ZNF318: variants seen among roughly 807,000 people sequenced by gnomAD.
ZNF318 encodes the protein endocrine regulator.
In ZNF318, 51 loss-of-function variants were observed where a neutral mutation model predicts 124.2. The ratio of observed to expected loss-of-function variants is 0.41; its 90% CI spans 0.33 to 0.52. The LOEUF is 0.52. Ranked by LOEUF, ZNF318 falls within the 20% of genes least tolerant of loss-of-function variation. ZNF318 has a pLI of 0.23. For missense variants in ZNF318, 2,815 were observed against 2,811.2 expected, an observed-to-expected ratio of 1.00 and a Z score of -0.03; for synonymous variants, 1,090 against 1,040.7, an observed-to-expected ratio of 1.05 and a Z score of -0.91.
chr6:43,342,312 C>A, intron 7 of ZNF318, 101 bp from the exon 8 acceptor site: 4 of 838,564 alleles, frequency 4.8e-6, no homozygotes, highest in Non-Finnish European at 5.4e-6. Flanking sequence ...GGACCAGAAG[C>A]CCCCAGCTAC....
chr6:43,345,324 T>C (rs991871729), intron 6 of ZNF318, among the ~76,000 whole-genome samples: 5 of 150,068 alleles, frequency 3.3e-5, no homozygotes, highest in African/African-American at 1.2e-4. Context: ...TTTTCTGAAA[T>C]GAACAGAAAG....
At position 43,340,272 on chromosome 6, in the gene ZNF318, G is replaced by A; in HGVS notation, c.3726C>T (p.Asn1242=). Residue 1242 remains asparagine, a synonymous_variant, in exon 10 of 10, where the codon AAC becomes AAT. Coordinates refer to ENST00000361428, the MANE Select transcript of ZNF318 (RefSeq NM_014345.3). ...TTTTATTTTCAGCTTTTTCAGGGGA[G>A]TTCCTACCCTCAGAGAGTTGGTCTT... ...KLEDQLSEGR[N]SPEKAENKRN... 1 of 1,613,970 alleles carries A rather than the reference G, an allele frequency of 6.2e-7. No individual in the cohort carries two copies. Among genetic ancestry groups the A allele is most frequent in the Non-Finnish European group, 8.5e-7 (1 of 1,179,992 alleles).
chr6:43,352,530 A>G (rs1779544028), intron 4 of ZNF318, 54 bp from the exon 5 acceptor site: 2 of 1,510,164 alleles, frequency 1.3e-6, no homozygotes, highest in Non-Finnish European at 1.8e-6. Context: ...TCTCTTTTCT[A>G]TTTCTCTCTT....
At position 43,355,332 on chromosome 6, in the gene ZNF318, G is replaced by A. The variant is rs141536231; in HGVS notation, c.2002C>T (p.Arg668Ter). Residue 668 changes from arginine to a stop codon, truncating the protein, a stop_gained, in exon 4 of 10, where the codon CGA (arginine) becomes TGA (stop). Coordinates refer to ENST00000361428, the MANE Select transcript of ZNF318 (RefSeq NM_014345.3). LOFTEE classifies it high-confidence loss of function. ...SSVDHCFSAD[R>*]RSSDPHRLES... is the part of the protein sequence containing the mutation. ...AGTCTGTGGGGATCTGAGGAACGTC[G>A]ATCAGCTGAGAAGCAGTGGTCAACT... The A allele has an allele frequency of 2.5e-6, 4 of 1,614,170 alleles. No individual in the cohort carries two copies. The highest frequency in any genetic ancestry group is 1.1e-5 in the South Asian group (1 of 91,072).
intron 2 of ZNF318, among the ~76,000 whole-genome samples, chr6:43,360,137 T>C (rs745611546): frequency 2.0e-5 from 3 of 152,118 alleles, no homozygotes; most frequent in African/African-American, 4.8e-5. Context: ...AACTATTACA[T>C]GTCACCATGA....
chr6:43,342,144 T>G lies in ZNF318; in HGVS notation c.3344A>C (p.Lys1115Thr). 6.2e-7 allele frequency: 1 copy of G among 1,614,148 alleles called. No individual in the cohort carries two copies. The highest frequency in any genetic ancestry group is 8.5e-7 in the Non-Finnish European group (1 of 1,179,978). ...AGGAACAGTTATCTTGTCAGTGCGC[T>G]TTATGGCATCTTGCTTGGCCTCACT... ...TQSEAKQDAI[K>T]RTDKITVPAK... Residue 1115 changes from lysine (K) to threonine (T), a missense_variant, in exon 8 of 10, where the codon AAG becomes ACG. Lys to Thr is a moderately conservative substitution (Grantham distance 78). Around this residue, in one of 4 missense-constraint regions of ZNF318, gnomAD observed 500 missense variants for 605.2 expected, o/e 0.83. Transcript: ENST00000361428.
At chr6:43,363,088 C>T (rs1013123774) in intron 2 of ZNF318, among the ~76,000 whole-genome samples, 2 of 152,042 alleles carry the variant, frequency 1.3e-5, no homozygotes, top group Non-Finnish European at 2.9e-5. Flanking sequence ...GACTGCTGCC[C>T]CAAACTCCTT....
Position 43,339,886 on chromosome 6 carries a change from G to A in ZNF318, c.4112C>T (p.Ala1371Val). ...KSCSATMSKP[A>V]PLNTFLSIKS... ...AATAGACAGAAAGGTGTTAAGAGGAGCTGGCTTGCTCATTGTGGCTGAACA... is the reference window on the plus strand; with the variant it reads ...AATAGACAGAAAGGTGTTAAGAGGAACTGGCTTGCTCATTGTGGCTGAACA... Residue 1371 changes from alanine (A) to valine (V), a missense_variant, in exon 10 of 10, where the codon GCT becomes GTT. Ala to Val is a moderately conservative substitution (Grantham distance 64, BLOSUM62 0). Transcript: ENST00000361428. This position sits in a 1 kb window ranked among gnomAD's most constrained non-coding sequence, Gnocchi z 4.2. 1.2e-6 allele frequency: 2 copies of A among 1,614,210 alleles called. No individual in the cohort carries two copies. Among genetic ancestry groups the A allele is most frequent in the South Asian group, 2.2e-5 (2 of 91,092 alleles).
Position 43,339,785 on chromosome 6 carries a change from T to C in ZNF318, c.4213A>G (p.Ile1405Val). Reference protein sequence around the residue: ...SSADLLLPPDIISKAFGGEEV... With the variant: ...SSADLLLPPDVISKAFGGEEV... ...TCCCCTCCAAATGCTTTGGAGATGA[T>C]GTCTGGAGGTAAGAGGAGATCAGCT... The change falls in exon 10 of 10, where the codon ATC becomes GTC. Residue 1405 changes from isoleucine to valine, a missense_variant. By Grantham distance (29) the Ile-to-Val change is conservative (BLOSUM62 3). Around this residue, in one of 4 missense-constraint regions of ZNF318, gnomAD observed 500 missense variants for 605.2 expected, o/e 0.83. Coordinates refer to ENST00000361428, the MANE Select transcript of ZNF318 (RefSeq NM_014345.3). This position sits in a 1 kb window ranked among gnomAD's most constrained non-coding sequence, Gnocchi z 4.2. The C allele has an allele frequency of 6.2e-7, 1 of 1,614,164 alleles. No individual in the cohort carries two copies. Among genetic ancestry groups the C allele is most frequent in the East Asian group, 2.2e-5 (1 of 44,878 alleles).
Position 43,340,063 on chromosome 6 carries a change from G to A in ZNF318, c.3935C>T (p.Thr1312Ile), listed in dbSNP as rs139484106. 8 of 1,614,050 alleles carry A rather than the reference G, an allele frequency of 5.0e-6. No homozygotes were observed. Among genetic ancestry groups the A allele is most frequent in the African/African-American group, 1.3e-5 (1 of 74,932 alleles). Residue 1312 changes from threonine to isoleucine, a missense_variant, in exon 10 of 10, where the codon ACT (threonine) becomes ATT (isoleucine). Thr to Ile is a moderately conservative substitution (Grantham distance 89). Around this residue, in one of 4 missense-constraint regions of ZNF318, gnomAD observed 500 missense variants for 605.2 expected, o/e 0.83. Coordinates refer to ENST00000361428, the MANE Select transcript of ZNF318 (RefSeq NM_014345.3). ...ESSKDKEDGK[T>I]EAGKAKPIKI... is the part of the protein sequence containing the mutation. ...GATAGGCTTTGCCTTCCCAGCTTCA[G>A]TTTTGCCATCCTCTTTGTCCTTACT...
intron 2 of ZNF318, chr6:43,363,700 T>C (rs1213915938): frequency 3.6e-6 from 2 of 552,082 alleles, no homozygotes; most frequent in African/African-American, 1.9e-5. Context: ...GATCACTGAC[T>C]TTTTCCTGGG....
intron 2 of ZNF318, among the ~76,000 whole-genome samples, chr6:43,358,106 C>T (rs1779636102): frequency 6.6e-6 from 1 of 152,212 alleles, no homozygotes; most frequent in Non-Finnish European, 1.5e-5. Context: ...ACAGCATTAG[C>T]ATTACCTGGG....
Position 43,357,673 on chromosome 6 carries a change from C to T in ZNF318, c.641G>A (p.Ser214Asn). The stretch of plus-strand genomic sequence containing the variant: ...CTCATCAAGTTGTCCCAAGAAGGGA[C>T]TGAGAGGCCCTTCCTCCTGGGAAAT... ...RYISQEEGPL[S>N]PFLGQLDEDY... The change falls in exon 3 of 10, where the codon AGT becomes AAT. Residue 214 changes from serine to asparagine, a missense_variant. Ser to Asn is a conservative substitution (Grantham distance 46). Transcript: ENST00000361428. The T allele has an allele frequency of 6.2e-7, 1 of 1,613,650 alleles. No individual in the cohort carries two copies. Among genetic ancestry groups the T allele is most frequent in the Non-Finnish European group, 8.5e-7 (1 of 1,180,024 alleles).
At chr6:43,353,105 C>T (rs1025194974) in intron 4 of ZNF318, among the ~76,000 whole-genome samples, 1 of 151,966 alleles carries the variant, frequency 6.6e-6, no homozygotes, top group Non-Finnish European at 1.5e-5. Flanking sequence ...CTATAATAGA[C>T]CTATGTATTA....
At chr6:43,341,927 G>A (rs1779377659) in intron 8 of ZNF318, among the ~76,000 whole-genome samples, 185 bp downstream of exon 8, 1 of 152,126 alleles carries the variant, frequency 6.6e-6, no homozygotes, top group Non-Finnish European at 1.5e-5. Flanking sequence ...AGAGATCATG[G>A]TCTTATAGAT....
chr6:43,368,764 G>A (rs1052941406), intron 1 of ZNF318: 14 of 985,358 alleles, frequency 1.4e-5, no homozygotes, highest in Non-Finnish European at 1.2e-5. Flanking sequence ...CTCCCGACGA[G>A]ACGCCCGTGC....
intron 6 of ZNF318, among the ~76,000 whole-genome samples, chr6:43,346,443 T>G (rs750020220): frequency 2.0e-5 from 3 of 147,608 alleles, no homozygotes; most frequent in African/African-American, 5.1e-5. Context: ...ATTGCGCCAC[T>G]GCACTCCAGT....
rs118046524 is a variant in ZNF318, at chr6:43,351,242, C to T, written c.2770+1135G>A. On this transcript the variant is annotated intron_variant, in intron 5 of 9. Transcript: ENST00000361428. ...CTCAGATTAAAGAAGAGTACAGGAACGTGAAAACTGAATGTGATAAATAAT... is the reference window on the plus strand; with the variant it reads ...CTCAGATTAAAGAAGAGTACAGGAATGTGAAAACTGAATGTGATAAATAAT... Among the ~76,000 whole-genome samples, 787 of 152,202 alleles carry T rather than the reference C, an allele frequency of 5.2e-3. 36 individuals carry two copies. The East Asian group carries it at 0.11, about 21-fold the overall frequency.
chr6:43,360,723 A>G (rs1779670145), intron 2 of ZNF318, among the ~76,000 whole-genome samples: 1 of 152,242 alleles, frequency 6.6e-6, no homozygotes, highest in Admixed American at 6.5e-5. Flanking sequence ...GAATGGATAA[A>G]CAAAACATGG....
Sources: gnomAD v4.1 joint callset for allele counts (sites outside exome capture counted in the v4.1 genomes callset) on GRCh38, gnomAD v4.1.1 for gene constraint, gnomAD v4.1.1 regional missense constraint, Gnocchi (gnomAD v3.1) non-coding constraint, MANE v1.5 for transcripts, NCBI Gene and HGNC (gene_info 2026-07-23, HGNC 2026-07-21) for gene names.